The following AGBL1 variants were observed in gnomAD, a reference collection of about 807,000 sequenced individuals.
AGBL1 encodes AGBL carboxypeptidase 1, also known as cytosolic carboxypeptidase 4.
AGBL1 carries 130 observed loss-of-function variants against 118.9 expected under a neutral mutation model. The observed-to-expected ratio is 1.09, with a 90% confidence interval of 0.95 to 1.26. The LOEUF is 1.26. Ranked by LOEUF, AGBL1 falls within the 50% of genes most tolerant of loss-of-function variation. The pLI, the probability that AGBL1 is intolerant of heterozygous loss-of-function variation, is 0.00. For missense variants in AGBL1, 1,584 were observed against 1,298.1 expected (o/e 1.22, Z -3.38); for synonymous variants, 555 against 478.9 (o/e 1.16, Z -2.08).
At chr15:86,189,924 C>T (rs996938864) in intron 5 of AGBL1, among the ~76,000 whole-genome samples, 7 of 152,254 alleles carry the variant, frequency 4.6e-5, no homozygotes, top group Admixed American at 3.3e-4. Context: ...AACATAGGCT[C>T]AATGAGAGCA....
At chr15:86,814,263 A>G (rs1365316192) in intron 22 of AGBL1, among the ~76,000 whole-genome samples, 1 of 152,214 alleles carries the variant, frequency 6.6e-6, no homozygotes, top group Non-Finnish European at 1.5e-5. Context: ...AGCACTCCTT[A>G]TGATAATCTA....
chr15:87,012,925 T>C (rs1017587055), intron 24 of AGBL1, among the ~76,000 whole-genome samples: 2 of 152,146 alleles, frequency 1.3e-5, no homozygotes, highest in Admixed American at 1.3e-4. Context: ...AGTTGAGAGA[T>C]AATTGGCTGA....
chr15:86,622,010 C>T (rs776589440), intron 21 of AGBL1, among the ~76,000 whole-genome samples: 19 of 152,068 alleles, frequency 1.2e-4, no homozygotes, highest in Non-Finnish European at 2.4e-4. Context: ...AATTCATCTG[C>T]AAGACAAAGA....
chr15:86,900,888 C>T (rs962381187), intron 22 of AGBL1, among the ~76,000 whole-genome samples: 2 of 152,156 alleles, frequency 1.3e-5, no homozygotes, highest in Non-Finnish European at 2.9e-5. Context: ...CTCTCTAATG[C>T]AACACTTAAC....
At chr15:86,448,032 C>T (rs1268754598) in intron 18 of AGBL1, among the ~76,000 whole-genome samples, 1 of 152,044 alleles carries the variant, frequency 6.6e-6, no homozygotes, top group Non-Finnish European at 1.5e-5. Context: ...GTGGTCCCAG[C>T]TGTTCCGGAG....
intron 17 of AGBL1, among the ~76,000 whole-genome samples, chr15:86,349,875 A>T (rs2080598610): frequency 6.6e-6 from 1 of 152,230 alleles, no homozygotes; most frequent in African/African-American, 2.4e-5. Context: ...TCTTTGGGCA[A>T]CTCACATGTT....
intron 22 of AGBL1, among the ~76,000 whole-genome samples, chr15:86,879,057 G>T (rs1213902598): frequency 1.3e-5 from 2 of 152,336 alleles, no homozygotes; most frequent in Non-Finnish European, 2.9e-5. Flanking sequence ...TTTGGTGAAG[G>T]TCCCAGAAGG....
At chr15:86,203,193 A>G (rs1423262617) in intron 5 of AGBL1, among the ~76,000 whole-genome samples, 1 of 152,220 alleles carries the variant, frequency 6.6e-6, no homozygotes, top group Non-Finnish European at 1.5e-5. Flanking sequence ...GGGAGTTCAC[A>G]TCTGGATAGA....
intron 22 of AGBL1, among the ~76,000 whole-genome samples, chr15:86,852,306 A>G (rs559277487): frequency 6.6e-6 from 1 of 152,266 alleles, no homozygotes; most frequent in Non-Finnish European, 1.5e-5. Context: ...TGAGAACAGC[A>G]TGGGGGAAAC....
At chr15:86,762,010 C>T (rs930414817) in intron 22 of AGBL1, among the ~76,000 whole-genome samples, 1 of 151,850 alleles carries the variant, frequency 6.6e-6, no homozygotes, top group African/African-American at 2.4e-5. Flanking sequence ...TAATGTGGCA[C>T]ATATACACCA....
intron 22 of AGBL1, among the ~76,000 whole-genome samples, chr15:86,720,623 A>G (rs1242931313): frequency 1.3e-5 from 2 of 152,178 alleles, no homozygotes; most frequent in Admixed American, 1.3e-4. Context: ...ACCTTTAGCC[A>G]TTGTGGCTGT....
chr15:86,399,047 C>T (rs2081406681), intron 18 of AGBL1, among the ~76,000 whole-genome samples: 1 of 152,072 alleles, frequency 6.6e-6, no homozygotes, highest in African/African-American at 2.4e-5. Flanking sequence ...GGGCAGAGAG[C>T]AGGGTTTCTT....
intron 5 of AGBL1, among the ~76,000 whole-genome samples, chr15:86,172,363 G>T (rs949699311): frequency 6.6e-6 from 1 of 152,100 alleles, no homozygotes; most frequent in African/African-American, 2.4e-5. Flanking sequence ...ATTTCTTTGT[G>T]TTGGGAATAT....
intron 17 of AGBL1, among the ~76,000 whole-genome samples, chr15:86,354,136 A>G (rs1290286886): frequency 6.6e-6 from 1 of 152,334 alleles, no homozygotes; most frequent in South Asian, 2.1e-4. Flanking sequence ...CACCTTGTAC[A>G]TGGAACAACA....
intron 21 of AGBL1, among the ~76,000 whole-genome samples, chr15:86,628,415 C>G (rs1164707908): frequency 6.6e-6 from 1 of 152,164 alleles, no homozygotes; most frequent in Non-Finnish European, 1.5e-5. Context: ...AGATGAGGGT[C>G]TTACCTAGAA....
chr15:86,089,421 G>A (rs1224686827), intron 1 of AGBL1, among the ~76,000 whole-genome samples: 1 of 152,152 alleles, frequency 6.6e-6, no homozygotes, highest in Admixed American at 6.5e-5. Flanking sequence ...TAGATGTGGA[G>A]GTTTAGAGAA....
intron 22 of AGBL1, among the ~76,000 whole-genome samples, chr15:86,881,754 G>A (rs2079894533): frequency 6.6e-6 from 1 of 152,110 alleles, no homozygotes. Context: ...TCCTGCCTCA[G>A]CCTCCCAAGT....
rs561445074 is a variant in AGBL1, at chr15:86,266,273, A to G, written c.1668-101A>G. 731 of 743,618 alleles carry G rather than the reference A, an allele frequency of 9.8e-4. 9 individuals are homozygous for G. In the South Asian group the frequency reaches 0.015, roughly 16 times the overall value. The allele number at this position is 743,618 out of a possible 1,614,324, so 46.1% of individuals were successfully genotyped here. A position where few individuals can be genotyped will look rare whatever the true frequency, so the allele number is the denominator to read the frequency against. ...TTATTAAACTTCTCTGTGCTTTCATATTTTTCTGGTGACCCCCAAAGTTCT... is the reference window on the plus strand; with the variant it reads ...TTATTAAACTTCTCTGTGCTTTCATGTTTTTCTGGTGACCCCCAAAGTTCT... On this transcript the variant is annotated intron_variant, in intron 11 of 22. Coordinates refer to ENST00000614907, the MANE Select transcript of AGBL1 (RefSeq NM_001386094.1).
intron 21 of AGBL1, among the ~76,000 whole-genome samples, chr15:86,594,626 T>C (rs1473156038): frequency 6.6e-6 from 1 of 152,208 alleles, no homozygotes; most frequent in African/African-American, 2.4e-5. Flanking sequence ...TTTTCCAAAT[T>C]TATTTCAATG....
Sources: gnomAD v4.1 joint callset for allele counts (sites outside exome capture counted in the v4.1 genomes callset) on GRCh38, gnomAD v4.1.1 for gene constraint, MANE v1.5 for transcripts, NCBI Gene and HGNC (gene_info 2026-07-23, HGNC 2026-07-21) for gene names.